The following DDHD2 variants were observed in gnomAD, a reference collection of about 807,000 sequenced individuals.
DDHD2 encodes the protein DDHD domain containing 2.
DDHD2 carries 62 observed loss-of-function variants against 91.2 expected under a neutral mutation model. The ratio of observed to expected loss-of-function variants is 0.68; its 90% CI spans 0.55 to 0.84. The LOEUF is 0.84. Ranked by LOEUF, DDHD2 falls within the 40% of genes least tolerant of loss-of-function variation. The pLI is 0.00. For missense variants in DDHD2, 740 were observed against 846.9 expected, an observed-to-expected ratio of 0.87 and a Z score of 1.57; for synonymous variants, 271 against 293.9, an observed-to-expected ratio of 0.92 and a Z score of 0.80.
chr8:38,235,873 G>GCGCACA (rs1554511690), intron 3 of DDHD2, among the ~76,000 whole-genome samples: 3 of 147,680 alleles, frequency 2.0e-5, no homozygotes, highest in Non-Finnish European at 4.5e-5. Context: ...AAGTACACGC[G>GCGCACA]CACACACACA....
chr8:38,253,208 T>A, intron 15 of DDHD2, 81 bp downstream of exon 15: 2 of 1,307,856 alleles, frequency 1.5e-6, no homozygotes, highest in Non-Finnish European at 2.1e-6. Flanking sequence ...TAATTTAATT[T>A]AATTTCACAT....
At chr8:38,250,202 A>G (rs1585744471) in intron 11 of DDHD2, 1 of 150,466 alleles carries the variant, frequency 6.6e-6, no homozygotes, top group Admixed American at 6.7e-5. Context: ...GGTGTGAGCC[A>G]CCCGCCTGGC....
At chr8:38,253,377 C>T in intron 15 of DDHD2, 179 bp from the exon 16 acceptor site, 2 of 743,618 alleles carry the variant, frequency 2.7e-6, no homozygotes, top group Non-Finnish European at 4.3e-6. Flanking sequence ...GGGGATTGGA[C>T]AAAATTACTG....
At chr8:38,238,733 A>G in intron 5 of DDHD2, 2 of 912,614 alleles carry the variant, frequency 2.2e-6, no homozygotes, top group South Asian at 1.0e-4. Flanking sequence ...CTTTAAAAAC[A>G]TACCAAACAT....
chr8:38,267,559 T>G (rs565287761), downstream of DDHD2: 1,505 of 769,996 alleles, frequency 2.0e-3, 4 homozygotes, highest in Non-Finnish European at 2.1e-3. Context: ...CCTTTCAAGG[T>G]GAGCATTTAA....
chr8:38,269,497 C>A (rs952663441), intron 1 of DDHD2, among the ~76,000 whole-genome samples: 1 of 152,220 alleles, frequency 6.6e-6, no homozygotes, highest in Non-Finnish European at 1.5e-5. Context: ...CGGGGAGCAG[C>A]CTTCTCCCGG....
intron 16 of DDHD2, among the ~76,000 whole-genome samples, chr8:38,254,654 G>A (rs557483370): frequency 6.6e-6 from 1 of 152,228 alleles, no homozygotes. Flanking sequence ...ACAGGCATGA[G>A]CCACCACGCC....
intron 5 of DDHD2, chr8:38,238,665 C>G: frequency 1.0e-6 from 1 of 976,378 alleles, no homozygotes; most frequent in Non-Finnish European, 1.2e-6. Flanking sequence ...TTTTTCTTGT[C>G]TCTTGGACAA....
chr8:38,236,506 C>T (rs1043079828), intron 3 of DDHD2, among the ~76,000 whole-genome samples: 3 of 151,558 alleles, frequency 2.0e-5, no homozygotes, highest in Non-Finnish European at 2.9e-5. Flanking sequence ...AAGCGTGCCT[C>T]ACCACACTGG....
chr8:38,242,201 A>G lies in DDHD2; in HGVS notation c.713-49A>G, dbSNP rs1443300278. On this transcript the variant is annotated intron_variant, in intron 6 of 17. Coordinates refer to ENST00000397166, the MANE Select transcript of DDHD2 (RefSeq NM_015214.3). ...ACATGATTTGTTGCATCCAGATTCT[A>G]CAGATTTGTTACTTCATTGTTGATG... 4.2e-6 allele frequency: 6 copies of G among 1,442,330 alleles called. No homozygotes were observed. In the South Asian group the frequency reaches 5.3e-5, roughly 13 times the overall value. The allele number at this position is 1,442,330 out of a possible 1,614,324, so 89.3% of individuals were successfully genotyped here. A position where few individuals can be genotyped will look rare whatever the true frequency, so the allele number is the denominator to read the frequency against.
At chr8:38,268,373 A>G in intron 1 of DDHD2, 2 of 1,566,040 alleles carry the variant, frequency 1.3e-6, no homozygotes, top group Admixed American at 1.9e-5. Context: ...GCGCTCACCC[A>G]GGCAGGCTTG....
intron 13 of DDHD2, 44 bp from the exon 14 acceptor site, chr8:38,252,678 T>G: frequency 7.3e-7 from 1 of 1,360,672 alleles, no homozygotes; most frequent in Non-Finnish European, 1.0e-6. Context: ...GTTTCCAGAC[T>G]GTGCTTAGCA....
intron 6 of DDHD2, chr8:38,241,855 AC>A (rs1212238486): frequency 1.2e-5 from 2 of 160,070 alleles, no homozygotes; most frequent in African/African-American, 4.9e-5. Flanking sequence ...GGAGTTCAGG[AC>A]CAGCCTGGCC....
chr8:38,272,360 A>C (rs1045907227), downstream of DDHD2: 2 of 152,240 alleles, frequency 1.3e-5, no homozygotes, highest in African/African-American at 4.8e-5. Flanking sequence ...AAATGAAAAT[A>C]AAACCCACCT....
chr8:38,244,982 A>G (rs959766808), intron 7 of DDHD2, among the ~76,000 whole-genome samples: 2 of 151,356 alleles, frequency 1.3e-5, no homozygotes, highest in Non-Finnish European at 2.9e-5. Context: ...TGTCTATTAT[A>G]TTTTTATACA....
At chr8:38,233,927 CAAA>C (rs201616340) in intron 2 of DDHD2, among the ~76,000 whole-genome samples, 1 of 121,610 alleles carries the variant, frequency 8.2e-6, no homozygotes. Flanking sequence ...AGACTTGTCT[CAAA>C]AAAAAAAAAA....
intron 5 of DDHD2, among the ~76,000 whole-genome samples, chr8:38,239,591 G>T (rs1357367469): frequency 1.4e-5 from 2 of 147,746 alleles, no homozygotes; most frequent in African/African-American, 5.0e-5. Context: ...GGAGGCTGAG[G>T]CAGGAGAATC....
intron 1 of DDHD2, chr8:38,268,149 T>G (rs565259001): frequency 9.6e-6 from 13 of 1,357,244 alleles, no homozygotes; most frequent in East Asian, 7.6e-5. Context: ...CCAAAGACAT[T>G]TCTGAGGTAC....
chr8:38,272,614 T>C (rs1808509384), downstream of DDHD2: 1 of 152,208 alleles, frequency 6.6e-6, no homozygotes, highest in Admixed American at 6.5e-5. Context: ...TTTAGGCTGA[T>C]TATCAAAAAT....
Sources: gnomAD v4.1 joint callset for allele counts (sites outside exome capture counted in the v4.1 genomes callset) on GRCh38, gnomAD v4.1.1 for gene constraint, MANE v1.5 for transcripts, NCBI Gene and HGNC (gene_info 2026-07-23, HGNC 2026-07-21) for gene names.